SPINT2: variants seen among roughly 807,000 people sequenced by gnomAD.
SPINT2 encodes the protein serine peptidase inhibitor, Kunitz type 2.
SPINT2 carries 18 observed loss-of-function variants against 30.1 expected under a neutral mutation model. That is an observed-to-expected ratio of 0.60 (90% confidence interval 0.41 to 0.89). The LOEUF (loss-of-function observed/expected upper bound fraction) is 0.89. Ranked by LOEUF, SPINT2 falls within the 40% of genes least tolerant of loss-of-function variation. The pLI is 0.00. For missense variants in SPINT2, 276 were observed against 334.3 expected (o/e 0.83, Z 1.36); for synonymous variants, 139 against 137.9 (o/e 1.01, Z -0.05).
chr19:38,289,829 T>G (rs1968693181), intron 4 of SPINT2: 1 of 463,584 alleles, frequency 2.2e-6, no homozygotes, highest in Non-Finnish European at 4.0e-6. Context: ...TTCCCATGTA[T>G]AAAATGAAGG....
chr19:38,266,688 AAG>A (rs1319830341), intron 1 of SPINT2, among the ~76,000 whole-genome samples: 4 of 151,966 alleles, frequency 2.6e-5, no homozygotes, highest in Admixed American at 2.6e-4. Context: ...AAAAAAAAAA[AAG>A]AGCAGGCTAG....
chr19:38,274,396 A>C (rs963858828), intron 1 of SPINT2, among the ~76,000 whole-genome samples: 15 of 152,256 alleles, frequency 9.9e-5, no homozygotes, highest in African/African-American at 3.4e-4. Flanking sequence ...TTTGATACTA[A>C]GGAGTGGCAT....
At chr19:38,282,560 G>C (rs2146274118) in intron 1 of SPINT2, among the ~76,000 whole-genome samples, 1 of 152,358 alleles carries the variant, frequency 6.6e-6, no homozygotes, top group Non-Finnish European at 1.5e-5. Context: ...CCTTTCAAGA[G>C]AGCGTACCGA....
At chr19:38,268,766 C>CGCGCGCGTGTGTGTGTGTGTGTGTGTGT (rs375982086) in intron 1 of SPINT2, among the ~76,000 whole-genome samples, 2 of 149,818 alleles carry the variant, frequency 1.3e-5, no homozygotes, top group Admixed American at 6.6e-5. Flanking sequence ...TGCGCGCGCG[C>CGCGCGCGTGTGTGTGTGTGTGTGTGTGT]GTGTGTGTGT....
rs1968706863 is a variant in SPINT2 at position 38,290,665 on chromosome 19, T to C, written c.592+90T>C. ...CCCTGCCCAGCTGTGGTTTACATTATCCTTCACTGTGAACATCATCTTGGC... is the reference window on the plus strand; with the variant it reads ...CCCTGCCCAGCTGTGGTTTACATTACCCTTCACTGTGAACATCATCTTGGC... On this transcript the variant is annotated intron_variant, in intron 6 of 6. Coordinates refer to ENST00000301244, the MANE Select transcript of SPINT2 (RefSeq NM_021102.4). The surrounding 1 kb of genome is among the most constrained non-coding windows in gnomAD (Gnocchi z 4.3). The C allele has an allele frequency of 5.4e-6, 8 of 1,478,538 alleles. No homozygotes were observed. The highest frequency in any genetic ancestry group is 3.8e-5 in the Admixed American group (2 of 52,240). 91.6% of individuals were successfully genotyped at this position (1,478,538 alleles called of 1,614,324 possible). A position where few individuals can be genotyped will look rare whatever the true frequency, so the allele number is the denominator to read the frequency against.
intron 1 of SPINT2, among the ~76,000 whole-genome samples, chr19:38,272,581 C>T (rs1968470026): frequency 6.6e-6 from 1 of 152,062 alleles, no homozygotes; most frequent in Non-Finnish European, 1.5e-5. Flanking sequence ...TGTTTCCTTC[C>T]CAGCTATTCA....
In SPINT2 at chr19:38,291,946, C is replaced by T. The variant is rs140049574; in HGVS notation, c.699C>T (p.Arg233=). ...VARRNQERAL[R]TVWSSGDDKE... Reference sequence around the variant, plus strand: ...GGAGGAACCAGGAGCGTGCCCTGCGCACCGTCTGGAGCTCCGGAGATGACA... The same window carrying T: ...GGAGGAACCAGGAGCGTGCCCTGCGTACCGTCTGGAGCTCCGGAGATGACA... The change falls in exon 7 of 7, where the codon CGC becomes CGT. Residue 233 remains arginine, a synonymous_variant. Transcript: ENST00000301244. The T allele has an allele frequency of 1.9e-6, 3 of 1,614,008 alleles. No individual in the cohort carries two copies. The highest frequency in any genetic ancestry group is 1.7e-5 in the Admixed American group (1 of 59,988).
chr19:38,287,796 C>T lies in SPINT2; in HGVS notation c.278-80C>T, dbSNP rs557261852. 65 of 1,474,198 alleles carry T rather than the reference C, an allele frequency of 4.4e-5. No individual in the cohort carries two copies. In the African/African-American group the frequency reaches 5.5e-4, roughly 13 times the overall value. 91.3% of individuals were successfully genotyped at this position (1,474,198 alleles called of 1,614,324 possible). ...GAGAAGTGGATGCTGTGGTGAGAGG[C>T]GCACAGGGCCAGCTCATTCTTTGTC... On this transcript the variant is annotated intron_variant, in intron 2 of 6. Coordinates refer to ENST00000301244, the MANE Select transcript of SPINT2 (RefSeq NM_021102.4).
At chr19:38,267,164 C>T (rs1428636207) in intron 1 of SPINT2, among the ~76,000 whole-genome samples, 1 of 152,212 alleles carries the variant, frequency 6.6e-6, no homozygotes, top group Non-Finnish European at 1.5e-5. Context: ...GACCTACTGA[C>T]CTTTCAGAAG....
chr19:38,291,909 T>C lies in SPINT2; in HGVS notation c.662T>C (p.Ile221Thr), dbSNP rs1968725126. Reference sequence around the variant, plus strand: ...CTGGGAGCCTCCATGGTCTACCTGATCCGGGTGGCACGGAGGAACCAGGAG... The same window carrying C: ...CTGGGAGCCTCCATGGTCTACCTGACCCGGGTGGCACGGAGGAACCAGGAG... ...LFLGASMVYLIRVARRNQERA... is the reference protein window; with the variant it reads ...LFLGASMVYLTRVARRNQERA... The change falls in exon 7 of 7, where the codon ATC becomes ACC. Residue 221 changes from isoleucine (I) to threonine (T), a missense_variant. Coordinates refer to ENST00000301244, the MANE Select transcript of SPINT2 (RefSeq NM_021102.4). 6.2e-7 allele frequency: 1 copy of C among 1,614,050 alleles called. No homozygotes were observed. The highest frequency in any genetic ancestry group is 2.2e-5 in the East Asian group (1 of 44,876).
intron 1 of SPINT2, among the ~76,000 whole-genome samples, chr19:38,273,867 CTG>C (rs1968485011): frequency 2.6e-5 from 4 of 152,258 alleles, no homozygotes; most frequent in Middle Eastern, 6.8e-3. Flanking sequence ...TTTATTCTGA[CTG>C]TCCCTATATT....
chr19:38,269,279 A>C (rs770313368), intron 1 of SPINT2, among the ~76,000 whole-genome samples: 4 of 150,720 alleles, frequency 2.7e-5, no homozygotes, highest in Admixed American at 6.6e-5. Context: ...TTGTATTTTT[A>C]GTAGAGACAG....
chr19:38,276,529 C>T lies in SPINT2; in HGVS notation c.107-7098C>T, dbSNP rs921619378. ...TGGTGGCGGGCGCCTGTAGTCCCAG[C>T]TACTCGGGAGGCTGAGGCAGGGGAA... On this transcript the variant is annotated intron_variant, in intron 1 of 6. Transcript: ENST00000301244. 2.6e-5 allele frequency among the ~76,000 whole-genome samples: 4 copies of T among 152,038 alleles called. No individual in the cohort carries two copies. The East Asian group carries it at 5.9e-4, about 23-fold the overall frequency.
In SPINT2 at chr19:38,290,683, A is replaced by G. The variant is rs1968707208; in HGVS notation, c.592+108A>G. The G allele has an allele frequency of 7.2e-6, 10 of 1,396,262 alleles. No individual in the cohort carries two copies. Among genetic ancestry groups the G allele is most frequent in the Admixed American group, 3.9e-5 (2 of 51,050 alleles). The allele number at this position is 1,396,262 out of a possible 1,614,324, so 86.5% of individuals were successfully genotyped here. ...TACATTATCCTTCACTGTGAACATC[A>G]TCTTGGCAGAAAGTCATGTTTCTGC... On this transcript the variant is annotated intron_variant, in intron 6 of 6. Coordinates refer to ENST00000301244, the MANE Select transcript of SPINT2 (RefSeq NM_021102.4). This position sits in a 1 kb window ranked among gnomAD's most constrained non-coding sequence, Gnocchi z 4.3.
intron 1 of SPINT2, among the ~76,000 whole-genome samples, chr19:38,271,361 G>A (rs1016527090): frequency 2.6e-5 from 4 of 151,924 alleles, no homozygotes; most frequent in Admixed American, 6.6e-5. Flanking sequence ...GCGTGGTGGC[G>A]GGCGCCTATA....
At chr19:38,288,790 C>G (rs908960946) in intron 3 of SPINT2, 1 of 306,696 alleles carries the variant, frequency 3.3e-6, no homozygotes, top group Non-Finnish European at 6.4e-6. Flanking sequence ...TGCTAGCCCC[C>G]CCACACACCA....
In SPINT2 at chr19:38,281,598, A is replaced by G. The variant is rs181204226; in HGVS notation, c.107-2029A>G. ...GTGGTGCATGCCTGTAATCCCAGCT[A>G]CTTGGGAGGCTGAGGCAGGAGAACA... On this transcript the variant is annotated intron_variant, in intron 1 of 6. Coordinates refer to ENST00000301244, the MANE Select transcript of SPINT2 (RefSeq NM_021102.4). Among the ~76,000 whole-genome samples the G allele has an allele frequency of 2.4e-3, 370 of 152,096 alleles. 1 individual carries two copies. Among genetic ancestry groups the G allele is most frequent in the Non-Finnish European group, 4.0e-3 (272 of 67,990 alleles).
Position 38,290,135 on chromosome 19 carries a change from C to G in SPINT2, c.408C>G (p.Asn136Lys), listed in dbSNP as rs368856630. The change falls in exon 5 of 7, where the codon AAC (asparagine) becomes AAG (lysine). Residue 136 changes from asparagine (N) to lysine (K), a missense_variant. Physicochemically the swap from Asn to Lys is moderately conservative, Grantham distance 94 (BLOSUM62 0). Transcript: ENST00000301244. This position sits in a 1 kb window ranked among gnomAD's most constrained non-coding sequence, Gnocchi z 4.3. Reference sequence around the variant, plus strand: ...TACTCCTAGAATACTGCACCGCCAACGCAGTCACTGGGCCTTGCCGTGCAT... The same window carrying G: ...TACTCCTAGAATACTGCACCGCCAAGGCAGTCACTGGGCCTTGCCGTGCAT... The part of the protein sequence containing the change: ...MFNYEEYCTA[N>K]AVTGPCRASF... 3.1e-6 allele frequency: 5 copies of G among 1,612,436 alleles called. No homozygotes were observed. The highest frequency in any genetic ancestry group is 1.7e-5 in the Admixed American group (1 of 60,018).
intron 1 of SPINT2, among the ~76,000 whole-genome samples, chr19:38,266,017 G>GT (rs1193531894): frequency 1.2e-4 from 18 of 152,356 alleles, no homozygotes; most frequent in Admixed American, 9.8e-4. Context: ...TTTAGCTCAG[G>GT]TGGTCGGGGG....
Sources: gnomAD v4.1 joint callset for allele counts (sites outside exome capture counted in the v4.1 genomes callset) on GRCh38, gnomAD v4.1.1 for gene constraint, Gnocchi (gnomAD v3.1) non-coding constraint, MANE v1.5 for transcripts, NCBI Gene and HGNC (gene_info 2026-07-23, HGNC 2026-07-21) for gene names.